PTPN12: variants seen among roughly 807,000 people sequenced by gnomAD.
PTPN12 encodes protein tyrosine phosphatase non-receptor type 12.
A neutral mutation model predicts 97.6 loss-of-function variants in PTPN12; 29 were observed. The ratio of observed to expected loss-of-function variants is 0.30; its 90% CI spans 0.22 to 0.41. PTPN12 has a LOEUF of 0.41. Ranked by LOEUF, PTPN12 falls within the 10% of genes least tolerant of loss-of-function variation. The probability of loss-of-function intolerance (pLI) is 1.00; values close to 1 mark genes in which losing one functional copy is unlikely to be tolerated. For missense variants in PTPN12, 819 were observed against 926.0 expected, an observed-to-expected ratio of 0.88 and a Z score of 1.50; for synonymous variants, 327 against 300.4, an observed-to-expected ratio of 1.09 and a Z score of -0.91.
rs543840376 is a variant in PTPN12, at chr7:77,638,183, A to G, written c.2174-441A>G. The stretch of plus-strand genomic sequence containing the variant: ...CCATGTTAGCCAGGATGATCTCGAT[A>G]TCCTGACCTCATGATCGGCTCGCCT... On this transcript the variant is annotated intron_variant, in intron 16 of 17. Coordinates refer to ENST00000248594, the MANE Select transcript of PTPN12 (RefSeq NM_002835.4). Among the ~76,000 whole-genome samples the G allele has an allele frequency of 3.3e-5, 5 of 151,486 alleles. No individual in the cohort carries two copies. The South Asian group carries it at 1.0e-3, about 32-fold the overall frequency.
At chr7:77,628,039 T>C (rs146744869) in intron 13 of PTPN12, among the ~76,000 whole-genome samples, 1 of 152,348 alleles carries the variant, frequency 6.6e-6, no homozygotes, top group Non-Finnish European at 1.5e-5. Context: ...AAAAATACTG[T>C]AGAATGTCTT....
At chr7:77,548,459 G>A (rs1379927989) in intron 1 of PTPN12, among the ~76,000 whole-genome samples, 8 of 152,172 alleles carry the variant, frequency 5.3e-5, no homozygotes, top group Non-Finnish European at 8.8e-5. Context: ...TACTCCTGAC[G>A]TCATAAACTC....
In PTPN12 at chr7:77,632,432, G is replaced by T; in HGVS notation, c.2074+7G>T. On this transcript the variant is annotated splice_region_variant and intron_variant, in intron 14 of 17. Transcript: ENST00000248594. Reference sequence around the variant, plus strand: ...GTGTTAGCAAGTGAACATAGTGAGTGTCTCTTTTGCTTTTACATTTACTTC... The same window carrying T: ...GTGTTAGCAAGTGAACATAGTGAGTTTCTCTTTTGCTTTTACATTTACTTC... 6.3e-7 allele frequency: 1 copy of T among 1,596,088 alleles called. No homozygotes were observed. Among genetic ancestry groups the T allele is most frequent in the East Asian group, 2.2e-5 (1 of 44,698 alleles).
intron 8 of PTPN12, among the ~76,000 whole-genome samples, chr7:77,603,881 T>A (rs941869423): frequency 7.1e-6 from 1 of 140,710 alleles, no homozygotes; most frequent in Non-Finnish European, 1.5e-5. Context: ...TCTTTTTGTT[T>A]GCTTTTTTTT....
chr7:77,562,628 C>CCAG (rs1238457636), intron 1 of PTPN12, among the ~76,000 whole-genome samples: 2 of 152,024 alleles, frequency 1.3e-5, no homozygotes, highest in Non-Finnish European at 2.9e-5. Context: ...ATCAGTGGAA[C>CCAG]CAGCGATTGC....
chr7:77,616,205 A>G (rs1788744941), intron 11 of PTPN12, among the ~76,000 whole-genome samples: 1 of 152,048 alleles, frequency 6.6e-6, no homozygotes, highest in Admixed American at 6.6e-5. Flanking sequence ...AATCTTACCA[A>G]TCCCTCAATG....
chr7:77,625,707 C>A (rs1458406398), intron 12 of PTPN12, among the ~76,000 whole-genome samples: 1 of 149,422 alleles, frequency 6.7e-6, no homozygotes, highest in African/African-American at 2.5e-5. Flanking sequence ...GTATCTGGGA[C>A]TGCAGGTGTG....
chr7:77,633,091 A>T (rs1303711250), intron 14 of PTPN12, among the ~76,000 whole-genome samples: 1 of 151,756 alleles, frequency 6.6e-6, no homozygotes, highest in Non-Finnish European at 1.5e-5. Flanking sequence ...ACCAACATGG[A>T]GAAACCCCGT....
intron 5 of PTPN12, among the ~76,000 whole-genome samples, chr7:77,588,059 A>G (rs1048490241): frequency 6.6e-6 from 1 of 152,224 alleles, no homozygotes; most frequent in Non-Finnish European, 1.5e-5. Flanking sequence ...CATGTAAGCA[A>G]TAAGGCTGTT....
chr7:77,582,733 G>A (rs141055409), intron 3 of PTPN12, among the ~76,000 whole-genome samples: 188 of 149,442 alleles, frequency 1.3e-3, no homozygotes, highest in Admixed American at 2.1e-3. Flanking sequence ...GCAGTAAGCC[G>A]AGATCGTGCC....
Position 77,537,987 on chromosome 7 carries a change from G to GT in PTPN12, c.99+342_99+343insT. ...CAAGTGAGGTGCAGGCCGGGGGGGG[G>GT]GGCTCGCGTTTCCACACCTCCCCGC... On this transcript the variant is annotated intron_variant, in intron 1 of 17. Transcript: ENST00000248594. The GT allele has an allele frequency of 5.0e-6, 5 of 1,001,334 alleles. No homozygotes were observed. The South Asian group carries it at 9.7e-5, about 19-fold the overall frequency. The allele number at this position is 1,001,334 out of a possible 1,614,324, so 62.0% of individuals were successfully genotyped here.
intron 1 of PTPN12, among the ~76,000 whole-genome samples, chr7:77,552,240 C>A (rs148211550): frequency 2.6e-5 from 4 of 151,994 alleles, no homozygotes; most frequent in Non-Finnish European, 2.9e-5. Context: ...CCTTAGCCTC[C>A]TAAGTAGATA....
intron 1 of PTPN12, among the ~76,000 whole-genome samples, chr7:77,540,292 C>T (rs1412784109): frequency 6.7e-6 from 1 of 149,020 alleles, no homozygotes; most frequent in East Asian, 2.0e-4. Flanking sequence ...GGTTGGAGTG[C>T]AGTGGCTCAA....
rs1788545046 is a variant in PTPN12, at chr7:77,610,840, A to G, written c.838A>G (p.Lys280Glu). ...ACAAAGGCATTCTGCAGTACAAACAAAGGTATAGTTGTTTGTTTCCCTTTA... is the reference window on the plus strand; with the variant it reads ...ACAAAGGCATTCTGCAGTACAAACAGAGGTATAGTTGTTTGTTTCCCTTTA... ...RTQRHSAVQT[K>E]EQYELVHRAI... is the part of the protein sequence containing the mutation. The change falls in exon 10 of 18, where the codon AAG (lysine) becomes GAG (glutamate). Residue 280 changes from lysine to glutamate, a missense_variant and splice_region_variant. By Grantham distance (56) the Lys-to-Glu change is moderately conservative. This residue lies in a region of PTPN12 where 42 missense variants were observed against 120.9 expected (regional missense o/e 0.35). Coordinates refer to ENST00000248594, the MANE Select transcript of PTPN12 (RefSeq NM_002835.4). 1 of 1,604,704 alleles carries G rather than the reference A, an allele frequency of 6.2e-7. No homozygotes were observed. Among genetic ancestry groups the G allele is most frequent in the Non-Finnish European group, 8.5e-7 (1 of 1,177,880 alleles).
In PTPN12 at chr7:77,626,721, G is replaced by A. The variant is rs558614843; in HGVS notation, c.1042G>A (p.Asp348Asn). ...PRTRSCLVEG[D>N]AKEEILQPPE... Reference sequence around the variant, plus strand: ...GTTTTTCAGTTGCCTTGTTGAAGGGGATGCTAAAGAAGAAATACTGCAGCC... The same window carrying A: ...GTTTTTCAGTTGCCTTGTTGAAGGGAATGCTAAAGAAGAAATACTGCAGCC... The change falls in exon 13 of 18, where the codon GAT (aspartate) becomes AAT (asparagine). Residue 348 changes from aspartate to asparagine, a missense_variant. This residue lies in a region of PTPN12 where 607 missense variants were observed against 577.3 expected (regional missense o/e 1.05). Coordinates refer to ENST00000248594, the MANE Select transcript of PTPN12 (RefSeq NM_002835.4). 8 of 1,599,170 alleles carry A rather than the reference G, an allele frequency of 5.0e-6. No individual in the cohort carries two copies. In the African/African-American group the frequency reaches 9.4e-5, roughly 19 times the overall value.
intron 1 of PTPN12, among the ~76,000 whole-genome samples, chr7:77,556,525 A>G (rs1807719479): frequency 6.6e-6 from 1 of 152,038 alleles, no homozygotes. Context: ...AGGTTAAATC[A>G]TTTCTCCGCA....
At chr7:77,629,360 C>G (rs574579591) in intron 13 of PTPN12, among the ~76,000 whole-genome samples, 8 of 152,122 alleles carry the variant, frequency 5.3e-5, no homozygotes, top group Admixed American at 4.6e-4. Flanking sequence ...TATTACTTTA[C>G]CAGTTTACCA....
intron 2 of PTPN12, among the ~76,000 whole-genome samples, chr7:77,575,551 T>C (rs1273255663): frequency 6.6e-6 from 1 of 152,222 alleles, no homozygotes; most frequent in Non-Finnish European, 1.5e-5. Flanking sequence ...TTCCTTTGCA[T>C]GTTTTAACAT....
chr7:77,573,009 G>A (rs965602665), intron 2 of PTPN12, among the ~76,000 whole-genome samples: 2 of 143,998 alleles, frequency 1.4e-5, no homozygotes, highest in African/African-American at 5.2e-5. Context: ...CCTGAACCCA[G>A]GAGGTGGAGG....
Sources: gnomAD v4.1 joint callset for allele counts (sites outside exome capture counted in the v4.1 genomes callset) on GRCh38, gnomAD v4.1.1 for gene constraint, gnomAD v4.1.1 regional missense constraint, MANE v1.5 for transcripts, NCBI Gene and HGNC (gene_info 2026-07-23, HGNC 2026-07-21) for gene names.